Variants in LRRC7 observed in about 807,000 individuals in gnomAD.
LRRC7 encodes leucine rich repeat containing 7, also known as leucine-rich repeat-containing protein 7.
Under a neutral mutation model 175.7 loss-of-function variants are expected in LRRC7, and 23 were observed. The ratio of observed to expected loss-of-function variants is 0.13; its 90% confidence interval spans 0.09 to 0.19. The LOEUF (loss-of-function observed/expected upper bound fraction) is 0.19, where lower values mean the gene tolerates loss of function less well. Ranked by LOEUF, LRRC7 falls within the 10% of genes least tolerant of loss-of-function variation. The pLI is 1.00. For missense variants in LRRC7, 1,354 were observed against 1,904.7 expected (o/e 0.71, Z 5.38); for synonymous variants, 685 against 680.9 (o/e 1.01, Z -0.09).
chr1:69,889,062 AC>A (rs1435976686), intron 7 of LRRC7, among the ~76,000 whole-genome samples: 1 of 152,330 alleles, frequency 6.6e-6, no homozygotes, highest in African/African-American at 2.4e-5. Context: ...GTCTTTAAAA[AC>A]AATATACATA....
rs1460811441 is a variant in LRRC7 at position 69,694,390 on chromosome 1, G to A, written c.100+15912G>A. Among the ~76,000 whole-genome samples, 10 of 152,204 alleles carry A rather than the reference G, an allele frequency of 6.6e-5. No individual in the cohort carries two copies. The East Asian group carries it at 1.9e-3, about 29-fold the overall frequency. On this transcript the variant is annotated intron_variant, in intron 2 of 26. Coordinates refer to ENST00000651989, the MANE Select transcript of LRRC7 (RefSeq NM_001370785.2). ...CTCTAATTGCTCTCACTCTGGACTTGTTATCCATAGCTTTAAAAGGCTGAT... is the reference window on the plus strand; with the variant it reads ...CTCTAATTGCTCTCACTCTGGACTTATTATCCATAGCTTTAAAAGGCTGAT...
intron 1 of LRRC7, among the ~76,000 whole-genome samples, chr1:69,591,943 T>C (rs549925890): frequency 7.2e-5 from 11 of 152,212 alleles, no homozygotes; most frequent in Admixed American, 2.0e-4. Flanking sequence ...TTGCCTTGTA[T>C]ACATTTATTC....
chr1:69,678,596 G>A (rs1660091942), intron 2 of LRRC7, 118 bp downstream of exon 2: 1 of 697,034 alleles, frequency 1.4e-6, no homozygotes, highest in Admixed American at 2.4e-5. Flanking sequence ...GTTGAGTCGA[G>A]TTGGTCTTTT....
rs1353870488 is a variant in LRRC7, at chr1:70,127,236, C to G, written c.*5349C>G. Among the ~76,000 whole-genome samples the G allele has an allele frequency of 6.6e-6, 1 of 152,210 alleles. No individual in the cohort carries two copies. The highest frequency in any genetic ancestry group is 1.5e-5 in the Non-Finnish European group (1 of 68,034). ...GTTTTGCTGTGTTGAGGAACTTTCT[C>G]TAAGCCTCTCAGCTTCTTACTGAGA... On this transcript the variant is annotated 3_prime_UTR_variant, in exon 27 of 27. Transcript: ENST00000651989.
At chr1:69,830,127 A>G (rs973333144) in intron 5 of LRRC7, among the ~76,000 whole-genome samples, 2 of 151,808 alleles carry the variant, frequency 1.3e-5, no homozygotes. Flanking sequence ...TTAAATTCCT[A>G]AGTTTCTTTC....
chr1:69,874,672 T>C (rs935097612), intron 7 of LRRC7: 4 of 152,140 alleles, frequency 2.6e-5, no homozygotes, highest in African/African-American at 4.8e-5. Context: ...ATGTACTTTA[T>C]TGAATATTTC....
intron 1 of LRRC7, among the ~76,000 whole-genome samples, chr1:69,637,265 A>G (rs1653536714): frequency 6.6e-6 from 1 of 151,914 alleles, no homozygotes; most frequent in Admixed American, 6.6e-5. Flanking sequence ...GTGGTTTTCT[A>G]ATTCTTCTTT....
intron 7 of LRRC7, among the ~76,000 whole-genome samples, chr1:69,848,145 C>T (rs778376222): frequency 8.1e-4 from 124 of 152,184 alleles, no homozygotes; most frequent in Non-Finnish European, 1.0e-3. Flanking sequence ...AGAAATTCTT[C>T]TTGAGTTTTT....
Position 69,912,632 on chromosome 1 carries a change from GATT to G in LRRC7, c.648-18872_648-18870del, listed in dbSNP as rs776234187. On this transcript the variant is annotated intron_variant, in intron 7 of 26. Coordinates refer to ENST00000651989, the MANE Select transcript of LRRC7 (RefSeq NM_001370785.2). ...AGAGCTCAAAAGTTCTATCAAGCAT[GATT>G]ATATCTTTGCTGTGTAATCGTGAGT... 1.8e-4 allele frequency among the ~76,000 whole-genome samples: 28 copies of G among 152,274 alleles called. No individual in the cohort carries two copies. The East Asian group carries it at 4.4e-3, about 24-fold the overall frequency.
chr1:69,786,121 A>G (rs1034440593), intron 3 of LRRC7, among the ~76,000 whole-genome samples: 8 of 152,068 alleles, frequency 5.3e-5, no homozygotes, highest in African/African-American at 1.4e-4. Context: ...TTGCAGTGTT[A>G]TCTATGAGAC....
chr1:70,043,925 C>T (rs1024400457), intron 21 of LRRC7, 29 bp from the exon 22 acceptor site: 3 of 1,580,626 alleles, frequency 1.9e-6, no homozygotes, highest in Non-Finnish European at 2.6e-6. Flanking sequence ...GTGTTCACAC[C>T]CTGTCACATG....
intron 3 of LRRC7, among the ~76,000 whole-genome samples, chr1:69,779,484 C>A (rs1160669540): frequency 6.6e-6 from 1 of 152,108 alleles, no homozygotes; most frequent in Non-Finnish European, 1.5e-5. Context: ...TATTTTAATG[C>A]AAATTATTAT....
rs1260221344 is a variant in LRRC7 at position 69,950,103 on chromosome 1, GTAGCTA to G, written c.711+18535_711+18540del. ...CACCACATGTTTACTCTATGTTTAT[GTAGCTA>G]TTCTCAACAATTGAGAATACAAAAC... On this transcript the variant is annotated intron_variant, in intron 8 of 26. Transcript: ENST00000651989. Among the ~76,000 whole-genome samples the G allele has an allele frequency of 5.3e-5, 8 of 151,544 alleles. No homozygotes were observed. The East Asian group carries it at 1.6e-3, about 29-fold the overall frequency.
At chr1:69,609,780 T>G (rs1648405720) in intron 1 of LRRC7, among the ~76,000 whole-genome samples, 2 of 152,094 alleles carry the variant, frequency 1.3e-5, no homozygotes, top group Non-Finnish European at 2.9e-5. Flanking sequence ...TTTCTTTTAA[T>G]TATACAATGC....
chr1:69,829,539 T>C (rs1359397351), intron 5 of LRRC7, among the ~76,000 whole-genome samples: 3 of 151,898 alleles, frequency 2.0e-5, no homozygotes, highest in Non-Finnish European at 4.4e-5. Flanking sequence ...ACCCTACTGA[T>C]CTATCAAACA....
At chr1:69,764,427 G>A (rs532405170) in intron 3 of LRRC7, among the ~76,000 whole-genome samples, 2 of 151,870 alleles carry the variant, frequency 1.3e-5, no homozygotes, top group Admixed American at 6.6e-5. Context: ...TGAAAGACCT[G>A]GAGAGTGAAT....
chr1:69,959,042 A>G (rs756239646), intron 8 of LRRC7, among the ~76,000 whole-genome samples: 2 of 152,180 alleles, frequency 1.3e-5, no homozygotes. Flanking sequence ...ACAAGATTGA[A>G]GAGTTATGAA....
At chr1:69,958,905 T>A (rs574372458) in intron 8 of LRRC7, among the ~76,000 whole-genome samples, 1 of 152,206 alleles carries the variant, frequency 6.6e-6, no homozygotes, top group East Asian at 1.9e-4. Flanking sequence ...ATTCTCTAAC[T>A]ATGCATGTGA....
intron 7 of LRRC7, among the ~76,000 whole-genome samples, chr1:69,894,308 G>C (rs1384997978): frequency 4.6e-5 from 7 of 152,262 alleles, no homozygotes; most frequent in Admixed American, 3.9e-4. Context: ...GGTAAGGTGT[G>C]GGGGAAGGAT....
Sources: gnomAD v4.1 joint callset for allele counts (sites outside exome capture counted in the v4.1 genomes callset) on GRCh38, gnomAD v4.1.1 for gene constraint, MANE v1.5 for transcripts, NCBI Gene and HGNC (gene_info 2026-07-23, HGNC 2026-07-21) for gene names.